Variants in ZMYM2 observed in about 807,000 individuals in gnomAD.
ZMYM2 encodes zinc finger MYM-type containing 2.
ZMYM2 carries 56 observed loss-of-function variants against 162.8 expected under a neutral mutation model. That is an observed-to-expected ratio of 0.34 (90% CI 0.28 to 0.43). The LOEUF (loss-of-function observed/expected upper bound fraction) is 0.43. Among genes scored for constraint, ZMYM2 ranks in the 20% least tolerant of loss-of-function variants. ZMYM2 has a pLI of 1.00. For missense variants in ZMYM2, 1,275 were observed against 1,621.8 expected, an observed-to-expected ratio of 0.79 and a Z score of 3.67; for synonymous variants, 510 against 541.6, an observed-to-expected ratio of 0.94 and a Z score of 0.81.
intron 6 of ZMYM2, among the ~76,000 whole-genome samples, chr13:20,019,091 AAAC>A (rs1361683570): frequency 1.6e-4 from 2 of 12,196 alleles, no homozygotes; most frequent in African/African-American, 2.1e-4. Context: ...AAAAAAAAAA[AAAC>A]AACAACAACA....
chr13:19,962,479 C>T (rs1955325322), intron 2 of ZMYM2, among the ~76,000 whole-genome samples: 1 of 134,338 alleles, frequency 7.4e-6, no homozygotes, highest in Non-Finnish European at 1.5e-5. Context: ...GAAGACTGGG[C>T]TATTCAAATT....
the ZMYM2 span, among the ~76,000 whole-genome samples, chr13:19,949,303 G>A: frequency 6.6e-6 from 1 of 152,122 alleles, no homozygotes; most frequent in African/African-American, 2.4e-5. Flanking sequence ...AGCTATTCCG[G>A]AGGCTGAGGC....
In ZMYM2 at chr13:20,082,869, G is replaced by C. The variant is rs2141048742; in HGVS notation, c.3657G>C (p.Leu1219=). The change falls in exon 23 of 25, where the codon CTG becomes CTC. Residue 1219 remains leucine, a synonymous_variant. Transcript: ENST00000610343. The part of the protein sequence containing the change: ...SHSPVALLNT[L]FYFNTKYFGL... ...CTCCAGTAGCTCTTCTGAATACACT[G>C]TTCTACTTTAACACTAAGTATTTTG... The C allele has an allele frequency of 6.2e-7, 1 of 1,613,850 alleles. No homozygotes were observed. The highest frequency in any genetic ancestry group is 8.5e-7 in the Non-Finnish European group (1 of 1,179,854).
At chr13:19,870,566 C>CCTTCCTTT in the ZMYM2 span, among the ~76,000 whole-genome samples, 1 of 135,042 alleles carries the variant, frequency 7.4e-6, no homozygotes, top group Non-Finnish European at 1.5e-5. Context: ...TTCCTTCCTT[C>CCTTCCTTT]CTTCCTTCTT....
chr13:19,926,829 G>A, the ZMYM2 span, among the ~76,000 whole-genome samples: 1 of 152,018 alleles, frequency 6.6e-6, no homozygotes, highest in African/African-American at 2.4e-5. Flanking sequence ...CACTACGCCT[G>A]GCTAATTTTT....
Position 20,082,089 on chromosome 13 carries a change from A to T in ZMYM2, c.3527A>T (p.Asn1176Ile). 3.7e-6 allele frequency: 6 copies of T among 1,607,612 alleles called. No homozygotes were observed. Among genetic ancestry groups the T allele is most frequent in the Non-Finnish European group, 5.1e-6 (6 of 1,177,988 alleles). Residue 1176 changes from asparagine to isoleucine, a missense_variant, in exon 22 of 25, where the codon AAT becomes ATT. Physicochemically the swap from Asn to Ile is moderately radical, Grantham distance 149. Transcript: ENST00000610343. ...PGYQTFEQEL[N>I]KILRSWQPSI... ...TACCAAACATTTGAGCAAGAATTGAATAAAATACTGCGAAGCTGGCAACCA... is the reference window on the plus strand; with the variant it reads ...TACCAAACATTTGAGCAAGAATTGATTAAAATACTGCGAAGCTGGCAACCA...
the ZMYM2 span, among the ~76,000 whole-genome samples, chr13:19,890,077 G>A: frequency 6.6e-6 from 1 of 151,926 alleles, no homozygotes; most frequent in South Asian, 2.1e-4. Flanking sequence ...CTATTCCTTT[G>A]ATTTAGATAT....
At chr13:20,056,004 A>G (rs1274934401) in intron 14 of ZMYM2, among the ~76,000 whole-genome samples, 1 of 152,176 alleles carries the variant, frequency 6.6e-6, no homozygotes, top group African/African-American at 2.4e-5. Context: ...TACAGGGAAA[A>G]GGTTATATGG....
Position 20,079,999 on chromosome 13 carries a change from G to A in ZMYM2, c.3454-2017G>A, listed in dbSNP as rs193181980. On this transcript the variant is annotated intron_variant, in intron 21 of 24. Transcript: ENST00000610343. ...TTTTATGTAATACCCAACTAAGTTT[G>A]TATATTTAGAAATCCAGAAACAATG... is the stretch of plus-strand genomic sequence containing the variant. Among the ~76,000 whole-genome samples, 321 of 152,258 alleles carry A rather than the reference G, an allele frequency of 2.1e-3. 2 individuals are homozygous for A. The highest frequency in any genetic ancestry group is 7.3e-3 in the African/African-American group (302 of 41,554).
chr13:20,034,168 G>T lies in ZMYM2; in HGVS notation c.1969-86G>T, dbSNP rs551984759. ...GGGTCTTAACATTAAATAGGTAAAT[G>T]ATTTAACTTTGCTTCTGTAAAAGTG... On this transcript the variant is annotated intron_variant, in intron 10 of 24. Coordinates refer to ENST00000610343, the MANE Select transcript of ZMYM2 (RefSeq NM_197968.4). 1.4e-3 allele frequency: 1,692 copies of T among 1,205,972 alleles called. 5 individuals carry two copies. Among genetic ancestry groups the T allele is most frequent in the Non-Finnish European group, 1.8e-3 (1,632 of 919,542 alleles). The allele number at this position is 1,205,972 out of a possible 1,614,324, so 74.7% of individuals were successfully genotyped here. A position where few individuals can be genotyped will look rare whatever the true frequency, so the allele number is the denominator to read the frequency against.
the ZMYM2 span, among the ~76,000 whole-genome samples, chr13:19,932,782 C>T: frequency 6.6e-6 from 1 of 152,154 alleles, no homozygotes; most frequent in Non-Finnish European, 1.5e-5. Flanking sequence ...ACCATGCTGG[C>T]ACCGTATCTT....
At chr13:20,025,112 A>T in intron 7 of ZMYM2, 1 of 209,398 alleles carries the variant, frequency 4.8e-6, no homozygotes, top group Admixed American at 5.9e-5. Flanking sequence ...ACATTTTTCC[A>T]TGCAGTGTAT....
the ZMYM2 span, among the ~76,000 whole-genome samples, chr13:19,940,314 G>A: frequency 4.5e-4 from 69 of 152,306 alleles, no homozygotes; most frequent in African/African-American, 1.5e-3. Flanking sequence ...CAGGGATGGA[G>A]GACAAAAGGG....
chr13:20,008,548 T>C (rs1314171864), intron 6 of ZMYM2, among the ~76,000 whole-genome samples: 1 of 152,264 alleles, frequency 6.6e-6, no homozygotes, highest in East Asian at 1.9e-4. Flanking sequence ...CCTCAGAATG[T>C]ATCTCTCAAG....
chr13:19,984,006 T>G (rs994891878), intron 2 of ZMYM2, among the ~76,000 whole-genome samples: 6 of 152,218 alleles, frequency 3.9e-5, no homozygotes, highest in Non-Finnish European at 7.3e-5. Flanking sequence ...CATACTGACT[T>G]ATAATACTCT....
At chr13:19,906,538 A>AT in the ZMYM2 span, among the ~76,000 whole-genome samples, 1,273 of 138,260 alleles carry the variant, frequency 9.2e-3, 10 homozygotes, top group Middle Eastern at 0.04. Flanking sequence ...ATATATATAT[A>AT]TTTTTTTTGT....
the ZMYM2 span, among the ~76,000 whole-genome samples, chr13:19,924,956 C>T: frequency 6.7e-6 from 1 of 149,382 alleles, no homozygotes; most frequent in African/African-American, 2.5e-5. Flanking sequence ...GTGATCTTGG[C>T]TCACTGCAAC....
At chr13:20,062,110 C>G (rs142438163) in intron 17 of ZMYM2, among the ~76,000 whole-genome samples, 2 of 152,062 alleles carry the variant, frequency 1.3e-5, no homozygotes, top group African/African-American at 4.8e-5. Flanking sequence ...CCCTAGAGGA[C>G]AATCAAAATA....
intron 2 of ZMYM2, among the ~76,000 whole-genome samples, chr13:19,963,582 C>G (rs537136654): frequency 6.6e-6 from 1 of 151,818 alleles, no homozygotes; most frequent in Non-Finnish European, 1.5e-5. Flanking sequence ...CAAATCACTT[C>G]GTAGTCTTTG....
Sources: allele counts gnomAD v4.1 joint callset (sites outside exome capture counted in the v4.1 genomes callset), GRCh38; gene constraint gnomAD v4.1.1; transcripts MANE v1.5; gene names NCBI Gene and HGNC (gene_info 2026-07-23, HGNC 2026-07-21).